The following FER1L6 variants were observed in gnomAD, a reference collection of about 807,000 sequenced individuals.
The protein encoded by FER1L6 is fer-1 like family member 6.
A neutral mutation model predicts 219.2 loss-of-function variants in FER1L6; 177 were observed. The observed-to-expected ratio is 0.81, with a 90% CI of 0.71 to 0.91. The LOEUF is 0.91. Ranked by LOEUF, FER1L6 falls within the 40% of genes least tolerant of loss-of-function variation. The pLI is 0.00. For synonymous variants in FER1L6, 768 were observed against 824.3 expected, an observed-to-expected ratio of 0.93 and a Z score of 1.17; for missense variants, 2,153 against 2,259.9, an observed-to-expected ratio of 0.95 and a Z score of 0.96.
chr8:123,864,484 T>C (rs1816797086), intron 1 of FER1L6, among the ~76,000 whole-genome samples: 1 of 150,464 alleles, frequency 6.6e-6, no homozygotes, highest in Admixed American at 6.6e-5. Flanking sequence ...TCGAGGAGTA[T>C]CTTTGTGGCG....
intron 1 of FER1L6, among the ~76,000 whole-genome samples, chr8:123,917,439 C>T (rs192663444): frequency 1.9e-4 from 29 of 152,314 alleles, no homozygotes; most frequent in Admixed American, 6.5e-4. Context: ...CAGTAAGGAC[C>T]TTCCGCACTT....
Position 123,864,991 on chromosome 8 carries a change from A to T in FER1L6, c.-8+12806A>T, listed in dbSNP as rs1050208367. On this transcript the variant is annotated intron_variant, in intron 1 of 40. Transcript: ENST00000522917. The stretch of plus-strand genomic sequence containing the variant: ...CTTCCTCTCTCAGCTCCTCAAAATC[A>T]TTCTCCATCCAGCTTTGTTCCATTG... 4.5e-4 allele frequency among the ~76,000 whole-genome samples: 68 copies of T among 151,310 alleles called. 3 individuals are homozygous for T. The highest frequency in any genetic ancestry group is 1.6e-3 in the African/African-American group (66 of 40,612).
chr8:124,108,491 G>A (rs1822871121), intron 39 of FER1L6, among the ~76,000 whole-genome samples: 1 of 152,142 alleles, frequency 6.6e-6, no homozygotes. Flanking sequence ...ATCTCCTTCT[G>A]GGCCCCAGGA....
intron 1 of FER1L6, among the ~76,000 whole-genome samples, chr8:123,896,596 A>G (rs909034814): frequency 5.9e-5 from 9 of 152,020 alleles, no homozygotes; most frequent in African/African-American, 2.2e-4. Flanking sequence ...TAAAGCGTCT[A>G]TTATTTTTTT....
intron 12 of FER1L6, among the ~76,000 whole-genome samples, chr8:123,990,247 G>A (rs1816789247): frequency 6.6e-6 from 1 of 152,070 alleles, no homozygotes; most frequent in African/African-American, 2.4e-5. Context: ...CAGCCTGGGT[G>A]GCAGAGGAGA....
chr8:124,119,985 T>A lies in FER1L6; in HGVS notation c.*195T>A. 1 of 531,914 alleles carries A rather than the reference T, an allele frequency of 1.9e-6. No individual in the cohort carries two copies. The highest frequency in any genetic ancestry group is 3.2e-6 in the Non-Finnish European group (1 of 313,922). The allele number at this position is 531,914 out of a possible 1,614,324, so 32.9% of individuals were successfully genotyped here. ...CTCCAAGTTTCAAACTTGTAAGGCA[T>A]GTTTTATCCCTTGGGCAGCATGAAA... On this transcript the variant is annotated 3_prime_UTR_variant, in exon 41 of 41. Transcript: ENST00000522917.
chr8:123,955,809 G>A (rs978738593), intron 1 of FER1L6, among the ~76,000 whole-genome samples, 183 bp from the exon 2 acceptor site: 26 of 152,298 alleles, frequency 1.7e-4, no homozygotes, highest in African/African-American at 6.3e-4. Context: ...TGTGGTTTCT[G>A]CAAAAGCAGA....
intron 5 of FER1L6, among the ~76,000 whole-genome samples, chr8:123,966,886 C>A (rs968182526): frequency 2.0e-5 from 3 of 152,068 alleles, no homozygotes; most frequent in Admixed American, 1.3e-4. Context: ...TCAAGACCAT[C>A]CTGGCTAACA....
chr8:124,071,510 C>T lies in FER1L6; in HGVS notation c.3971C>T (p.Ser1324Phe). The change falls in exon 31 of 41, where the codon TCC becomes TTC. Residue 1324 changes from serine (S) to phenylalanine (F), a missense_variant. Coordinates refer to ENST00000522917, the MANE Select transcript of FER1L6 (RefSeq NM_001039112.2). The part of the protein sequence containing the change: ...GDRVIGKFKG[S>F]FCIYKSPQDS... ...GGTTGCGTTTTGTGGTTCCAGGGCT[C>T]CTTCTGCATCTACAAAAGCCCCCAG... The T allele has an allele frequency of 6.2e-7, 1 of 1,614,064 alleles. No homozygotes were observed. Among genetic ancestry groups the T allele is most frequent in the Non-Finnish European group, 8.5e-7 (1 of 1,179,978 alleles).
At chr8:123,959,285 A>G (rs1815163743) in intron 2 of FER1L6, among the ~76,000 whole-genome samples, 1 of 152,206 alleles carries the variant, frequency 6.6e-6, no homozygotes, top group Non-Finnish European at 1.5e-5. Context: ...TAATTCCTGC[A>G]TCCTCAGCAT....
chr8:123,858,156 T>C (rs1391274545), intron 1 of FER1L6, among the ~76,000 whole-genome samples: 3 of 152,206 alleles, frequency 2.0e-5, no homozygotes, highest in African/African-American at 7.2e-5. Context: ...ACCAGGTTCC[T>C]TTAAATGACA....
chr8:124,093,318 T>G (rs1170673010), intron 34 of FER1L6, among the ~76,000 whole-genome samples: 2 of 151,886 alleles, frequency 1.3e-5, no homozygotes, highest in African/African-American at 4.8e-5. Flanking sequence ...ACCATATCAC[T>G]TGCTCATGCC....
At chr8:124,049,813 C>T in intron 22 of FER1L6, 57 bp downstream of exon 22, 1 of 1,568,830 alleles carries the variant, frequency 6.4e-7, no homozygotes. Flanking sequence ...AGAGAAGTGG[C>T]CTCACCACAA....
At chr8:124,072,012 G>C (rs1563781884) in intron 31 of FER1L6, among the ~76,000 whole-genome samples, 1 of 152,186 alleles carries the variant, frequency 6.6e-6, no homozygotes, top group Non-Finnish European at 1.5e-5. Context: ...CACCTTAGGA[G>C]TTAGGGGTTC....
chr8:124,117,119 A>T (rs1313226743), intron 39 of FER1L6, among the ~76,000 whole-genome samples: 1 of 152,218 alleles, frequency 6.6e-6, no homozygotes, highest in Non-Finnish European at 1.5e-5. Context: ...AGCCTGCTAT[A>T]ATGGAAAGAG....
chr8:123,955,425 A>G (rs1399906647), intron 1 of FER1L6, among the ~76,000 whole-genome samples: 1 of 152,102 alleles, frequency 6.6e-6, no homozygotes, highest in African/African-American at 2.4e-5. Context: ...GGCCTTCTTG[A>G]CCTTGGTCTC....
chr8:124,101,176 T>A lies in FER1L6; in HGVS notation c.4963T>A (p.Trp1655Arg). ...CCTGACTGGAGAGGGCAACTTCAAC[T>A]GGCGCTTCCTGTTTCCCTTTCAGTA... ...NSLTGEGNFN[W>R]RFLFPFQYLP... is the part of the protein sequence containing the mutation. Residue 1655 changes from tryptophan to arginine, a missense_variant, in exon 38 of 41, where the codon TGG becomes AGG. By Grantham distance (101) the Trp-to-Arg change is moderately radical. Coordinates refer to ENST00000522917, the MANE Select transcript of FER1L6 (RefSeq NM_001039112.2). 1.2e-6 allele frequency: 2 copies of A among 1,613,950 alleles called. No homozygotes were observed. Among genetic ancestry groups the A allele is most frequent in the Non-Finnish European group, 1.7e-6 (2 of 1,179,964 alleles).
intron 16 of FER1L6, among the ~76,000 whole-genome samples, chr8:124,020,657 C>G (rs1368280783): frequency 6.6e-6 from 1 of 152,134 alleles, no homozygotes; most frequent in African/African-American, 2.4e-5. Flanking sequence ...AGTGGTTAAG[C>G]ATGTAGACTC....
rs71576706 is a variant in FER1L6, at chr8:123,856,316, G to GTGTGTGTGTGTATA, written c.-8+4132_-8+4133insGTGTGTGTGTATAT. On this transcript the variant is annotated intron_variant, in intron 1 of 40. Transcript: ENST00000522917. ...TGTATATATATATATATATGTATGT[G>GTGTGTGTGTGTATA]TATATATATATATATATATATATAT... Among the ~76,000 whole-genome samples, 26 of 45,088 alleles carry GTGTGTGTGTGTATA rather than the reference G, an allele frequency of 5.8e-4. 6 individuals are homozygous for GTGTGTGTGTGTATA. Among genetic ancestry groups the GTGTGTGTGTGTATA allele is most frequent in the South Asian group, 1.8e-3 (2 of 1,092 alleles). The allele number at this position is 45,088 out of a possible 152,430, so 29.6% of individuals were successfully genotyped here. A position where few individuals can be genotyped will look rare whatever the true frequency, so the allele number is the denominator to read the frequency against.
Sources: allele counts gnomAD v4.1 joint callset (sites outside exome capture counted in the v4.1 genomes callset), GRCh38; gene constraint gnomAD v4.1.1; transcripts MANE v1.5; gene names NCBI Gene and HGNC (gene_info 2026-07-23, HGNC 2026-07-21).